Variants in ARHGAP29 observed in about 807,000 individuals in gnomAD.
The protein encoded by ARHGAP29 is Rho GTPase activating protein 29, also known as rho GTPase-activating protein 29.
Under a neutral mutation model 122.6 loss-of-function variants are expected in ARHGAP29, and 43 were observed. That is an observed-to-expected ratio of 0.35 (90% confidence interval 0.27 to 0.45). ARHGAP29 has a LOEUF of 0.45. Ranked by LOEUF, ARHGAP29 falls within the 20% of genes least tolerant of loss-of-function variation. ARHGAP29 has a pLI of 1.00. For synonymous variants in ARHGAP29, 506 were observed against 497.1 expected (o/e 1.02, Z -0.24); for missense variants, 1,303 against 1,477.2 (o/e 0.88, Z 1.93).
chr1:94,276,780 CAAAAAAAAAA>C (rs34090768), upstream of ARHGAP29, among the ~76,000 whole-genome samples: 1 of 40,614 alleles, frequency 2.5e-5, no homozygotes, highest in Non-Finnish European at 4.2e-5. Flanking sequence ...GACCCTGTCT[CAAAAAAAAAA>C]AAAAAAAAAA....
At chr1:94,308,334 G>A in the ARHGAP29 span, among the ~76,000 whole-genome samples, 2 of 152,040 alleles carry the variant, frequency 1.3e-5, no homozygotes, top group African/African-American at 4.8e-5. Flanking sequence ...TTCCCCATCC[G>A]CTGCTTCAGA....
At chr1:94,287,738 G>T in the ARHGAP29 span, among the ~76,000 whole-genome samples, 3 of 152,016 alleles carry the variant, frequency 2.0e-5, no homozygotes, top group East Asian at 5.8e-4. Context: ...ACTTATGCGT[G>T]AGAACATGCG....
chr1:94,236,577 A>G (rs942644008), intron 1 of ARHGAP29, among the ~76,000 whole-genome samples: 4 of 152,076 alleles, frequency 2.6e-5, no homozygotes, highest in African/African-American at 9.7e-5. Context: ...TGGGGCCAAT[A>G]CCCTCTGAGA....
the ARHGAP29 span, among the ~76,000 whole-genome samples, chr1:94,287,073 T>C: frequency 6.6e-6 from 1 of 152,228 alleles, no homozygotes; most frequent in Non-Finnish European, 1.5e-5. Context: ...CTGGAACTTC[T>C]GATTGACTGG....
intron 1 of ARHGAP29, among the ~76,000 whole-genome samples, chr1:94,250,002 A>AT (rs11398069): frequency 0.32 from 48,167 of 150,586 alleles, 8,167 homozygotes; most frequent in South Asian, 0.4. Context: ...TTCCAGTGTG[A>AT]TTTTTTTTTT....
intron 12 of ARHGAP29, among the ~76,000 whole-genome samples, chr1:94,196,323 G>A (rs1216963010): frequency 7.3e-6 from 1 of 137,594 alleles, no homozygotes; most frequent in Non-Finnish European, 1.5e-5. Flanking sequence ...GTGCAGTGGC[G>A]CGATCTCGGC....
Position 94,185,015 on chromosome 1 carries a change from T to A in ARHGAP29, c.1966A>T (p.Ile656Phe). Residue 656 changes from isoleucine to phenylalanine, a missense_variant, in exon 18 of 23, where the codon ATT becomes TTT. Physicochemically the swap from Ile to Phe is conservative, Grantham distance 21. Around this residue, in one of 3 missense-constraint regions of ARHGAP29, gnomAD observed 91 missense variants for 177.8 expected, o/e 0.51. Coordinates refer to ENST00000260526, the MANE Select transcript of ARHGAP29 (RefSeq NM_004815.4). ...HRKCLENLVI[I>F]CGHQKLPGKI... ...CCTGGAAGTTTCTGATGACCACAAA[T>A]AATGACTAAATTTTCCAAACACTTT... is the stretch of plus-strand genomic sequence containing the variant. 1 of 1,612,188 alleles carries A rather than the reference T, an allele frequency of 6.2e-7. No individual in the cohort carries two copies. The highest frequency in any genetic ancestry group is 1.1e-5 in the South Asian group (1 of 90,494).
intron 3 of ARHGAP29, among the ~76,000 whole-genome samples, chr1:94,213,902 C>T (rs1651805048): frequency 6.6e-6 from 1 of 152,150 alleles, no homozygotes; most frequent in Non-Finnish European, 1.5e-5. Context: ...TCAACAATAA[C>T]CTATCAGTCA....
chr1:94,172,612 G>GATATATATATATAT lies in ARHGAP29; in HGVS notation c.*1243_*1256dup, dbSNP rs55712972. 101 of 145,068 alleles carry GATATATATATATAT rather than the reference G, an allele frequency of 7.0e-4. 1 individual carries two copies. The highest frequency in any genetic ancestry group is 5.9e-3 in the Admixed American group (85 of 14,432). The allele number at this position is 145,068 out of a possible 1,614,324, so 9.0% of individuals were successfully genotyped here. On this transcript the variant is annotated 3_prime_UTR_variant, in exon 23 of 23. Transcript: ENST00000260526. ...GGAACATGAAATAATTTAACAAGTT[G>GATATATATATATAT]ATATATATATATATATATATTATCA...
At chr1:94,179,392 G>A (rs1369537004) in intron 20 of ARHGAP29, among the ~76,000 whole-genome samples, 3 of 151,830 alleles carry the variant, frequency 2.0e-5, no homozygotes, top group Admixed American at 1.3e-4. Flanking sequence ...TCAGGAGTTC[G>A]AGACCAGTCT....
chr1:94,239,539 G>A (rs955969033), upstream of ARHGAP29, among the ~76,000 whole-genome samples: 31 of 151,906 alleles, frequency 2.0e-4, no homozygotes, highest in African/African-American at 7.0e-4. Flanking sequence ...AGACAAATAT[G>A]TGAGAAGGAA....
chr1:94,310,265 G>A, the ARHGAP29 span, among the ~76,000 whole-genome samples: 2 of 152,166 alleles, frequency 1.3e-5, no homozygotes, highest in South Asian at 2.1e-4. Flanking sequence ...AGTTCGTAGG[G>A]TGGGGAAACA....
Position 94,178,115 on chromosome 1 carries a change from T to C in ARHGAP29, c.2533A>G (p.Ile845Val), listed in dbSNP as rs537284114. 4.3e-6 allele frequency: 7 copies of C among 1,613,950 alleles called. No individual in the cohort carries two copies. In the South Asian group the frequency reaches 5.5e-5, roughly 13 times the overall value. ...GGCCTAATGAGACTTGGTCCAAATA[T>C]CACCCCCAAGTTTTTGGAGTTCATC... ...NKMNSKNLGV[I>V]FGPSLIRPRP... The change falls in exon 21 of 23, where the codon ATA (isoleucine) becomes GTA (valine). Residue 845 changes from isoleucine to valine, a missense_variant. Ile to Val is a conservative substitution (Grantham distance 29, BLOSUM62 3). Coordinates refer to ENST00000260526, the MANE Select transcript of ARHGAP29 (RefSeq NM_004815.4).
At chr1:94,287,120 A>C in the ARHGAP29 span, among the ~76,000 whole-genome samples, 569 of 152,248 alleles carry the variant, frequency 3.7e-3, no homozygotes, top group Non-Finnish European at 6.3e-3. Flanking sequence ...TTTGAGTTTG[A>C]TTAATTTGCT....
At chr1:94,184,325 CT>C in intron 18 of ARHGAP29, 37 bp from the exon 19 acceptor site, 2 of 1,518,802 alleles carry the variant, frequency 1.3e-6, no homozygotes, top group Non-Finnish European at 1.8e-6. Context: ...CAAAATTCTT[CT>C]TTAGTACAAA....
chr1:94,296,831 G>T, the ARHGAP29 span, among the ~76,000 whole-genome samples: 1 of 152,212 alleles, frequency 6.6e-6, no homozygotes, highest in Non-Finnish European at 1.5e-5. Flanking sequence ...TGACAAATTG[G>T]AAGAGATTGA....
intron 2 of ARHGAP29, 60 bp from the exon 3 acceptor site, chr1:94,220,452 A>G (rs1652230051): frequency 7.0e-7 from 1 of 1,425,028 alleles, no homozygotes; most frequent in Non-Finnish European, 9.4e-7. Context: ...TCTAAACTAC[A>G]AAACGTCATC....
At chr1:94,251,507 T>G (rs1229509930) in intron 1 of ARHGAP29, among the ~76,000 whole-genome samples, 2 of 152,206 alleles carry the variant, frequency 1.3e-5, no homozygotes, top group Non-Finnish European at 2.9e-5. Context: ...TCTGCTGGAC[T>G]TCATGGAAAT....
At position 94,231,571 on chromosome 1, in the gene ARHGAP29, G is replaced by C; in HGVS notation, c.41C>G (p.Ala14Gly). The change falls in exon 2 of 23, where the codon GCT (alanine) becomes GGT (glycine). Residue 14 changes from alanine to glycine, a missense_variant. Transcript: ENST00000260526. ...HKQKKTKKKR[A>G]WASGQLSTDI... Reference sequence around the variant, plus strand: ...AGTAGAGAGTTGACCTGATGCCCAAGCACGTTTTTTCTTTGTCTTTTTCTG... The same window carrying C: ...AGTAGAGAGTTGACCTGATGCCCAACCACGTTTTTTCTTTGTCTTTTTCTG... 1 of 1,613,612 alleles carries C rather than the reference G, an allele frequency of 6.2e-7. No individual in the cohort carries two copies. Among genetic ancestry groups the C allele is most frequent in the Non-Finnish European group, 8.5e-7 (1 of 1,179,704 alleles).
Sources: allele counts gnomAD v4.1 joint callset (sites outside exome capture counted in the v4.1 genomes callset), GRCh38; gene constraint gnomAD v4.1.1; regional missense constraint gnomAD v4.1.1; transcripts MANE v1.5; gene names NCBI Gene and HGNC (gene_info 2026-07-23, HGNC 2026-07-21).